BCAR3: variants seen among roughly 807,000 people sequenced by gnomAD.
The protein encoded by BCAR3 is breast cancer anti-estrogen resistance protein 3.
Under a neutral mutation model 80.1 loss-of-function variants are expected in BCAR3, and 37 were observed. The observed-to-expected ratio is 0.46, with a 90% CI of 0.36 to 0.61. The LOEUF (loss-of-function observed/expected upper bound fraction) is 0.61. BCAR3 is among the 20% of genes least tolerant of loss of function. BCAR3 has a pLI of 0.00. For synonymous variants in BCAR3, 389 were observed against 418.9 expected (o/e 0.93, Z 0.87); for missense variants, 978 against 1,068.2 (o/e 0.92, Z 1.18).
At chr1:93,759,212 C>CA (rs1651849589) in intron 2 of BCAR3, among the ~76,000 whole-genome samples, 1 of 152,196 alleles carries the variant, frequency 6.6e-6, no homozygotes, top group South Asian at 2.1e-4. Flanking sequence ...TTGCCACCAA[C>CA]AAAAAACCAT....
At chr1:93,735,790 G>A (rs1361497470) in intron 2 of BCAR3, among the ~76,000 whole-genome samples, 1 of 152,234 alleles carries the variant, frequency 6.6e-6, no homozygotes, top group Non-Finnish European at 1.5e-5. Flanking sequence ...CATGGCCTGC[G>A]CCAGTAAATA....
chr1:93,832,086 C>T (rs1223589826), intron 2 of BCAR3, among the ~76,000 whole-genome samples: 1 of 152,220 alleles, frequency 6.6e-6, no homozygotes, highest in African/African-American at 2.4e-5. Context: ...CCACTCCTGA[C>T]ATTAGAAAAA....
intron 2 of BCAR3, among the ~76,000 whole-genome samples, chr1:93,672,885 T>G (rs1004948950): frequency 6.6e-6 from 1 of 152,240 alleles, no homozygotes; most frequent in Non-Finnish European, 1.5e-5. Flanking sequence ...AATTCTGAAC[T>G]CTTGTTCGCC....
intron 2 of BCAR3, chr1:93,753,896 C>CACAT (rs1553169676): frequency 6.6e-6 from 1 of 151,138 alleles, no homozygotes; most frequent in African/African-American, 2.5e-5. Flanking sequence ...CACACACACA[C>CACAT]ATGCACCCTT....
At chr1:93,823,643 G>A (rs1337521897) in intron 2 of BCAR3, among the ~76,000 whole-genome samples, 1 of 135,152 alleles carries the variant, frequency 7.4e-6, no homozygotes, top group African/African-American at 2.5e-5. Context: ...GTTGGGAAGT[G>A]AAGACAAACA....
intron 7 of BCAR3, among the ~76,000 whole-genome samples, chr1:93,578,114 T>G (rs1673531217): frequency 6.6e-6 from 1 of 152,202 alleles, no homozygotes; most frequent in Non-Finnish European, 1.5e-5. Context: ...CCTTCTGCCC[T>G]CCAAATCTTA....
chr1:93,639,662 A>G (rs1038553575), intron 3 of BCAR3, among the ~76,000 whole-genome samples: 1 of 152,014 alleles, frequency 6.6e-6, no homozygotes, highest in Non-Finnish European at 1.5e-5. Context: ...TTTTTAGTAG[A>G]GACAGGGTTT....
At chr1:93,802,254 G>A (rs1417825895) in intron 2 of BCAR3, among the ~76,000 whole-genome samples, 3 of 151,838 alleles carry the variant, frequency 2.0e-5, no homozygotes, top group African/African-American at 4.8e-5. Context: ...AGGCTGCAAT[G>A]AGCCATAATC....
intron 2 of BCAR3, among the ~76,000 whole-genome samples, chr1:93,769,896 G>A (rs958061801): frequency 1.3e-5 from 2 of 152,176 alleles, no homozygotes; most frequent in Non-Finnish European, 2.9e-5. Flanking sequence ...GCCACCAGGA[G>A]AGTTACTTGA....
At chr1:93,573,627 A>T (rs1333333750) in intron 8 of BCAR3, among the ~76,000 whole-genome samples, 18,488 of 134,550 alleles carry the variant, frequency 0.14, 1,662 homozygotes, top group Non-Finnish European at 0.18. Flanking sequence ...TATTATTATT[A>T]TTATTATTTT....
rs1289632665 is a variant in BCAR3, at chr1:93,846,982, G to C, written c.-209+88C>G. 30 of 212,884 alleles carry C rather than the reference G, an allele frequency of 1.4e-4. 1 individual carries two copies. In the African/African-American group the frequency reaches 5.2e-3, roughly 37 times the overall value. 13.2% of individuals were successfully genotyped at this position (212,884 alleles called of 1,614,324 possible). On this transcript the variant is annotated intron_variant, in intron 1 of 13. Coordinates refer to the BCAR3 transcript ENST00000370244. Reference sequence around the variant, plus strand: ...ACGCACACAGACGTCGCGCGGCGGCGCTCGCGCGCAGGTCCAGCCGCGGCT... The same window carrying C: ...ACGCACACAGACGTCGCGCGGCGGCCCTCGCGCGCAGGTCCAGCCGCGGCT...
At chr1:93,786,219 A>AAAAAAG (rs1557688155) in intron 2 of BCAR3, among the ~76,000 whole-genome samples, 1 of 148,780 alleles carries the variant, frequency 6.7e-6, no homozygotes, top group African/African-American at 2.5e-5. Flanking sequence ...AAAAAAAAAA[A>AAAAAAG]GTGCCATGCA....
At position 93,831,546 on chromosome 1, in the gene BCAR3, T is replaced by C. The variant is rs544740155; in HGVS notation, c.-63+14021A>G. 4.6e-5 allele frequency among the ~76,000 whole-genome samples: 7 copies of C among 152,276 alleles called. No homozygotes were observed. The South Asian group carries it at 1.5e-3, about 32-fold the overall frequency. On this transcript the variant is annotated intron_variant, in intron 2 of 13. Transcript: ENST00000370244. ...GGTGCCTGATGTCCAGGCATTCTTTTACACATTGGTCCCTCCCTAATCTCT... is the reference window on the plus strand; with the variant it reads ...GGTGCCTGATGTCCAGGCATTCTTTCACACATTGGTCCCTCCCTAATCTCT...
intron 2 of BCAR3, among the ~76,000 whole-genome samples, chr1:93,777,360 C>CTCT (rs548946041): frequency 8.3e-6 from 1 of 120,732 alleles, no homozygotes; most frequent in East Asian, 2.4e-4. Flanking sequence ...CTTCTTCCTC[C>CTCT]TCTTCTTCTT....
At chr1:93,700,526 C>T (rs1248886655) in intron 3 of BCAR3, among the ~76,000 whole-genome samples, 2 of 152,198 alleles carry the variant, frequency 1.3e-5, no homozygotes, top group Non-Finnish European at 2.9e-5. Flanking sequence ...CTGCACTGTA[C>T]CTGAGCATCC....
At chr1:93,775,905 T>C (rs1652529793) in intron 2 of BCAR3, among the ~76,000 whole-genome samples, 1 of 152,246 alleles carries the variant, frequency 6.6e-6, no homozygotes, top group African/African-American at 2.4e-5. Flanking sequence ...TCTTAATTTT[T>C]CTGCACTTTT....
intron 3 of BCAR3, among the ~76,000 whole-genome samples, chr1:93,700,637 G>A (rs1324152156): frequency 6.6e-6 from 1 of 152,104 alleles, no homozygotes; most frequent in Non-Finnish European, 1.5e-5. Context: ...ACAGAAGCCA[G>A]GAGGAACAGC....
intron 2 of BCAR3, among the ~76,000 whole-genome samples, chr1:93,774,590 A>G (rs11811811): frequency 0.014 from 2,156 of 152,226 alleles, 42 homozygotes; most frequent in African/African-American, 0.049. Context: ...CTGTACTGAG[A>G]CAGTTGACCA....
At chr1:93,616,063 T>A (rs1675115712) in intron 3 of BCAR3, among the ~76,000 whole-genome samples, 1 of 152,162 alleles carries the variant, frequency 6.6e-6, no homozygotes, top group Admixed American at 6.5e-5. Flanking sequence ...GTAAATCACA[T>A]AGAATTACGA....
Sources: allele counts gnomAD v4.1 joint callset (sites outside exome capture counted in the v4.1 genomes callset), GRCh38; gene constraint gnomAD v4.1.1; transcripts MANE v1.5; gene names NCBI Gene and HGNC (gene_info 2026-07-23, HGNC 2026-07-21).